The following PLEKHA8 variants were observed in gnomAD, a reference collection of about 807,000 sequenced individuals.
PLEKHA8 encodes the protein pleckstrin homology domain containing A8.
Under a neutral mutation model 68.2 loss-of-function variants are expected in PLEKHA8, and 36 were observed. That is an observed-to-expected ratio of 0.53 (90% confidence interval 0.40 to 0.70). The LOEUF is 0.70. PLEKHA8 is among the 30% of genes least tolerant of loss of function. The pLI is 0.00. For synonymous variants in PLEKHA8, 211 were observed against 216.1 expected, an observed-to-expected ratio of 0.98 and a Z score of 0.20; for missense variants, 505 against 615.4, an observed-to-expected ratio of 0.82 and a Z score of 1.90.
At chr7:30,119,802 G>A (rs1796665741) in intron 13 of PLEKHA8, among the ~76,000 whole-genome samples, 1 of 152,204 alleles carries the variant, frequency 6.6e-6, no homozygotes, top group Non-Finnish European at 1.5e-5. Context: ...GCTTCATGTT[G>A]AGGTGTGAAT....
At chr7:30,074,355 T>G (rs531177174) in intron 13 of PLEKHA8, among the ~76,000 whole-genome samples, 3 of 152,124 alleles carry the variant, frequency 2.0e-5, no homozygotes, top group South Asian at 4.2e-4. Flanking sequence ...AGGCCTTTGG[T>G]GTGTGGAAAT....
intron 13 of PLEKHA8, among the ~76,000 whole-genome samples, chr7:30,126,286 C>G (rs1040546968): frequency 2.7e-5 from 4 of 149,942 alleles, no homozygotes; most frequent in African/African-American, 9.9e-5. Flanking sequence ...ACTGTTGACA[C>G]TTTAAAACAT....
Position 30,078,833 on chromosome 7 carries a change from G to A in PLEKHA8, c.*46G>A. 1 of 1,582,552 alleles carries A rather than the reference G, an allele frequency of 6.3e-7. No individual in the cohort carries two copies. The highest frequency in any genetic ancestry group is 8.6e-7 in the Non-Finnish European group (1 of 1,163,330). ...CTAACTTCAGGGAATAAGTGCTAAA[G>A]TGTTTTGTTGCCCTACTTAATTTCC... On this transcript the variant is annotated 3_prime_UTR_variant, in exon 14 of 14. Coordinates refer to ENST00000449726, the MANE Select transcript of PLEKHA8 (RefSeq NM_001197026.2).
At chr7:30,105,311 T>TAAAA (rs59891172) in intron 13 of PLEKHA8, among the ~76,000 whole-genome samples, 11 of 53,740 alleles carry the variant, frequency 2.0e-4, no homozygotes, top group African/African-American at 6.6e-4. Context: ...TCTCTATAAT[T>TAAAA]AAAAAAAAAA....
downstream of PLEKHA8, among the ~76,000 whole-genome samples, chr7:30,085,108 CTTTTAA>C (rs1795130060): frequency 6.6e-6 from 1 of 151,954 alleles, no homozygotes; most frequent in Admixed American, 6.6e-5. Flanking sequence ...CCATGTCTGA[CTTTTAA>C]TTTTAGTAGA....
chr7:30,087,094 G>C (rs118174670), downstream of PLEKHA8, among the ~76,000 whole-genome samples: 312 of 152,284 alleles, frequency 2.0e-3, no homozygotes, highest in Non-Finnish European at 3.9e-3. Flanking sequence ...CCAGTTTTAG[G>C]ACCTTTTGCT....
At chr7:30,110,977 G>A (rs577495075) in intron 13 of PLEKHA8, among the ~76,000 whole-genome samples, 9 of 150,736 alleles carry the variant, frequency 6.0e-5, no homozygotes, top group East Asian at 3.9e-4. Flanking sequence ...CGATCTTGGC[G>A]CACTGCAACC....
At chr7:30,129,869 GTTTC>G (rs1796844007), downstream of PLEKHA8, 1 of 155,932 alleles carries the variant, frequency 6.4e-6, no homozygotes, top group Non-Finnish European at 1.4e-5. Context: ...ATGCCCAAAT[GTTTC>G]CATTGTGTCA....
chr7:30,108,231 A>G (rs1181170273), intron 13 of PLEKHA8, among the ~76,000 whole-genome samples: 1 of 152,106 alleles, frequency 6.6e-6, no homozygotes, highest in African/African-American at 2.4e-5. Context: ...TTTTTAATAG[A>G]CATTTCTGGA....
downstream of PLEKHA8, among the ~76,000 whole-genome samples, chr7:30,085,902 T>C (rs979871975): frequency 3.3e-5 from 5 of 152,320 alleles, no homozygotes; most frequent in African/African-American, 4.8e-5. Flanking sequence ...TGCAGAATCA[T>C]GTAGTAGCCA....
At chr7:30,106,747 A>C (rs1796071967) in intron 13 of PLEKHA8, among the ~76,000 whole-genome samples, 1 of 152,228 alleles carries the variant, frequency 6.6e-6, no homozygotes, top group Non-Finnish European at 1.5e-5. Context: ...GCAAAACTTG[A>C]ATTTTTTCTG....
At chr7:30,057,541 T>G (rs914745160) in intron 9 of PLEKHA8, among the ~76,000 whole-genome samples, 3 of 151,474 alleles carry the variant, frequency 2.0e-5, no homozygotes. Context: ...CACTGCAACC[T>G]CCACCTCCCG....
chr7:30,057,185 A>G (rs2127984749), intron 9 of PLEKHA8, among the ~76,000 whole-genome samples: 1 of 152,116 alleles, frequency 6.6e-6, no homozygotes, highest in East Asian at 1.9e-4. Context: ...TCACCCTGGA[A>G]TGTTCCCTGT....
At chr7:30,089,036 G>A (rs1259236813), downstream of PLEKHA8, among the ~76,000 whole-genome samples, 8 of 152,020 alleles carry the variant, frequency 5.3e-5, no homozygotes, top group African/African-American at 1.9e-4. Context: ...TGTGTCCCCC[G>A]TACATACAGT....
At chr7:30,060,429 A>G (rs567516764) in intron 9 of PLEKHA8, among the ~76,000 whole-genome samples, 1 of 150,288 alleles carries the variant, frequency 6.7e-6, no homozygotes, top group South Asian at 2.1e-4. Context: ...AGAGCGAGAG[A>G]CTCCATCTCA....
chr7:30,088,459 C>T (rs1238321216), downstream of PLEKHA8, among the ~76,000 whole-genome samples: 1 of 152,126 alleles, frequency 6.6e-6, no homozygotes, highest in Non-Finnish European at 1.5e-5. Flanking sequence ...TGTGGCCTGT[C>T]ACTGATGTTA....
rs551918052 is a variant in PLEKHA8 at position 30,081,852 on chromosome 7, T to G, written c.*3065T>G. Reference sequence around the variant, plus strand: ...ATGGTAAAAGCCAGTGTTTACACTTTGTAGGGATCAGGGTGTATTTGTTGA... The same window carrying G: ...ATGGTAAAAGCCAGTGTTTACACTTGGTAGGGATCAGGGTGTATTTGTTGA... On this transcript the variant is annotated 3_prime_UTR_variant, in exon 14 of 14. Transcript: ENST00000449726. 2.0e-6 allele frequency: 2 copies of G among 985,456 alleles called. No homozygotes were observed. The highest frequency in any genetic ancestry group is 4.7e-5 in the South Asian group (1 of 21,294). The allele number at this position is 985,456 out of a possible 1,614,324, so 61.0% of individuals were successfully genotyped here.
chr7:30,103,944 T>C (rs1795965992), intron 13 of PLEKHA8, among the ~76,000 whole-genome samples: 2 of 152,202 alleles, frequency 1.3e-5, no homozygotes, highest in Non-Finnish European at 2.9e-5. Context: ...GAGACAGTAT[T>C]CACAATACCT....
At chr7:30,073,376 A>AGCT (rs1293207193) in intron 12 of PLEKHA8, among the ~76,000 whole-genome samples, 1 of 152,106 alleles carries the variant, frequency 6.6e-6, no homozygotes, top group Non-Finnish European at 1.5e-5. Flanking sequence ...TAGAGAGGGC[A>AGCT]GCTAAGGGAC....
Sources: allele counts gnomAD v4.1 joint callset (sites outside exome capture counted in the v4.1 genomes callset), GRCh38; gene constraint gnomAD v4.1.1; transcripts MANE v1.5; gene names NCBI Gene and HGNC (gene_info 2026-07-23, HGNC 2026-07-21).